The following SGMS1 variants were observed in gnomAD, a reference collection of about 807,000 sequenced individuals.
SGMS1 encodes the protein sphingomyelin synthase 1.
Under a neutral mutation model 46.2 loss-of-function variants are expected in SGMS1, and 13 were observed. That is an observed-to-expected ratio of 0.28 (90% CI 0.18 to 0.45). The LOEUF (loss-of-function observed/expected upper bound fraction) is 0.45, where lower values mean the gene tolerates loss of function less well. Among genes scored for constraint, SGMS1 ranks in the 20% least tolerant of loss-of-function variants. The probability of loss-of-function intolerance (pLI) is 1.00; values close to 1 mark genes in which losing one functional copy is unlikely to be tolerated. For synonymous variants in SGMS1, 203 were observed against 187.8 expected (o/e 1.08, Z -0.66); for missense variants, 324 against 519.9 (o/e 0.62, Z 3.66).
intron 6 of SGMS1, among the ~76,000 whole-genome samples, chr10:50,429,777 T>C (rs761792857): frequency 1.3e-5 from 2 of 151,886 alleles, no homozygotes; most frequent in Non-Finnish European, 2.9e-5. Flanking sequence ...CTTGTTTATG[T>C]CCTGGTTAGT....
intron 2 of SGMS1, among the ~76,000 whole-genome samples, chr10:50,559,712 T>G (rs1247760116): frequency 6.6e-6 from 1 of 152,152 alleles, no homozygotes. Flanking sequence ...GAATCTCACA[T>G]AGCAAACTCT....
chr10:50,590,817 A>C (rs1272047851), intron 1 of SGMS1: 2 of 152,310 alleles, frequency 1.3e-5, no homozygotes, highest in East Asian at 3.9e-4. Context: ...TTAGGTCTTC[A>C]TCTTATAGCT....
rs1373093599 is a variant in SGMS1, at chr10:50,343,831, T to A, written c.284A>T (p.Asp95Val). Residue 95 changes from aspartate (D) to valine (V), a missense_variant, in exon 7 of 11, where the codon GAC becomes GTC. Transcript: ENST00000361781. ...LNIGVDIPTP[D>V]GSFSIKIKPN... ...TTTAATCTTGATGCTGAAGCTGCCG[T>A]CGGGGGTGGGGATGTCTACGCCAAT... 6.2e-7 allele frequency: 1 copy of A among 1,614,150 alleles called. No individual in the cohort carries two copies. Among genetic ancestry groups the A allele is most frequent in the South Asian group, 1.1e-5 (1 of 91,072 alleles).
rs116283407 is a variant in SGMS1 at position 50,476,442 on chromosome 10, T to C, written c.-497-9510A>G. 8.6e-3 allele frequency among the ~76,000 whole-genome samples: 1,311 copies of C among 152,182 alleles called. 17 individuals carry two copies. Among genetic ancestry groups the C allele is most frequent in the African/African-American group, 0.03 (1,248 of 41,516 alleles). On this transcript the variant is annotated intron_variant, in intron 3 of 10. Transcript: ENST00000361781. ...GGTAACAGGCAGAGGTTAGAACAGT[T>C]TGCAGGGCTCATAAGAAGACAGGAA...
chr10:50,324,407 T>C (rs1847497915), intron 8 of SGMS1, among the ~76,000 whole-genome samples: 1 of 152,218 alleles, frequency 6.6e-6, no homozygotes, highest in Non-Finnish European at 1.5e-5. Context: ...AGACATCAAA[T>C]AGAACTTTGG....
At chr10:50,484,843 C>T (rs1263034982) in intron 3 of SGMS1, among the ~76,000 whole-genome samples, 2 of 152,182 alleles carry the variant, frequency 1.3e-5, no homozygotes, top group African/African-American at 2.4e-5. Context: ...CAAAATTCAA[C>T]ATCCCTTCAT....
intron 6 of SGMS1, among the ~76,000 whole-genome samples, chr10:50,371,778 A>G (rs977514920): frequency 2.0e-5 from 3 of 152,178 alleles, no homozygotes; most frequent in Non-Finnish European, 4.4e-5. Context: ...AGGAAGTTCA[A>G]TCTCAAGGGA....
At chr10:50,312,043 TA>T (rs1415507740) in intron 8 of SGMS1, among the ~76,000 whole-genome samples, 1 of 152,218 alleles carries the variant, frequency 6.6e-6, no homozygotes, top group Non-Finnish European at 1.5e-5. Context: ...ACCGGAGTAA[TA>T]AATAGCTTGA....
intron 2 of SGMS1, among the ~76,000 whole-genome samples, chr10:50,571,432 G>A (rs1838335419): frequency 6.6e-6 from 1 of 152,192 alleles, no homozygotes; most frequent in Admixed American, 6.5e-5. Flanking sequence ...AATTGGAATC[G>A]GGATACAATT....
At position 50,306,757 on chromosome 10, in the gene SGMS1, T is replaced by C. The variant is rs1847186431; in HGVS notation, c.*385A>G. Reference sequence around the variant, plus strand: ...ACAGCCCAATCTTTGGGGCAAGAGATATGAAAAGTATGTTTTCCCAAGAAA... The same window carrying C: ...ACAGCCCAATCTTTGGGGCAAGAGACATGAAAAGTATGTTTTCCCAAGAAA... On this transcript the variant is annotated 3_prime_UTR_variant, in exon 11 of 11. Transcript: ENST00000361781. The C allele has an allele frequency of 6.4e-6, 1 of 156,672 alleles. No homozygotes were observed. Among genetic ancestry groups the C allele is most frequent in the Non-Finnish European group, 1.4e-5 (1 of 70,812 alleles). 9.7% of individuals were successfully genotyped at this position (156,672 alleles called of 1,614,324 possible). A position where few individuals can be genotyped will look rare whatever the true frequency, so the allele number is the denominator to read the frequency against.
intron 2 of SGMS1, among the ~76,000 whole-genome samples, chr10:50,558,277 T>C (rs1838205200): frequency 6.6e-6 from 1 of 152,188 alleles, no homozygotes; most frequent in Non-Finnish European, 1.5e-5. Context: ...CTGATCATTG[T>C]TCTTATTACT....
At chr10:50,334,201 T>C (rs913395729) in intron 7 of SGMS1, among the ~76,000 whole-genome samples, 2 of 152,216 alleles carry the variant, frequency 1.3e-5, no homozygotes, top group Non-Finnish European at 2.9e-5. Context: ...GAGATAGTTA[T>C]GTAGAATTAA....
intron 5 of SGMS1, among the ~76,000 whole-genome samples, chr10:50,446,858 A>T (rs1252422818): frequency 2.6e-5 from 4 of 152,214 alleles, no homozygotes; most frequent in African/African-American, 7.2e-5. Flanking sequence ...TTTTAAAATA[A>T]ATCACAAAAT....
chr10:50,349,548 G>A (rs949010404), intron 6 of SGMS1, among the ~76,000 whole-genome samples: 1 of 57,644 alleles, frequency 1.7e-5, no homozygotes, highest in African/African-American at 1.2e-4. Flanking sequence ...TAGCTTGGCT[G>A]TGTCCCACCC....
intron 3 of SGMS1, among the ~76,000 whole-genome samples, chr10:50,470,756 G>A (rs1209331945): frequency 6.6e-6 from 1 of 151,956 alleles, no homozygotes; most frequent in East Asian, 1.9e-4. Context: ...GATTGTCTTG[G>A]GCAAGTTACA....
intron 6 of SGMS1, among the ~76,000 whole-genome samples, chr10:50,358,719 C>G (rs952991554): frequency 3.9e-5 from 6 of 152,116 alleles, no homozygotes; most frequent in Admixed American, 3.3e-4. Flanking sequence ...AATAACCTAA[C>G]AGATCTTTTA....
At chr10:50,541,714 G>A (rs906239994) in intron 2 of SGMS1, among the ~76,000 whole-genome samples, 2 of 152,216 alleles carry the variant, frequency 1.3e-5, no homozygotes, top group Admixed American at 6.5e-5. Flanking sequence ...TCTGGGAGAT[G>A]TTTGGGAAGG....
chr10:50,533,482 T>C (rs551817782), intron 2 of SGMS1, among the ~76,000 whole-genome samples: 5 of 152,278 alleles, frequency 3.3e-5, no homozygotes, highest in Non-Finnish European at 7.4e-5. Context: ...CTCTGAAAGA[T>C]CAGTGAACAA....
intron 8 of SGMS1, among the ~76,000 whole-genome samples, chr10:50,313,485 A>G (rs1589380747): frequency 1.3e-5 from 2 of 152,180 alleles, no homozygotes; most frequent in East Asian, 3.9e-4. Flanking sequence ...CCAGGAGACT[A>G]CTGTTTTTTC....
Sources: gnomAD v4.1 joint callset for allele counts (sites outside exome capture counted in the v4.1 genomes callset) on GRCh38, gnomAD v4.1.1 for gene constraint, MANE v1.5 for transcripts, NCBI Gene and HGNC (gene_info 2026-07-23, HGNC 2026-07-21) for gene names.